Variants in LONP2 observed in about 807,000 individuals in gnomAD.
The protein encoded by LONP2 is lon protease homolog 2, peroxisomal.
In LONP2, 60 loss-of-function variants were observed where a neutral mutation model predicts 85.6. That is an observed-to-expected ratio of 0.70 (90% CI 0.57 to 0.87). The LOEUF is 0.87. Among genes scored for constraint, LONP2 ranks in the 40% least tolerant of loss-of-function variants. The pLI, the probability that LONP2 is intolerant of heterozygous loss-of-function variation, is 0.00. For synonymous variants in LONP2, 395 were observed against 389.7 expected (o/e 1.01, Z -0.16); for missense variants, 860 against 1,063.5 (o/e 0.81, Z 2.66).
intron 6 of LONP2, among the ~76,000 whole-genome samples, chr16:48,266,246 C>A (rs1188589687): frequency 6.6e-6 from 1 of 152,000 alleles, no homozygotes; most frequent in Non-Finnish European, 1.5e-5. Context: ...CTCAAGTGAT[C>A]CACCTGCCTC....
chr16:48,312,104 C>A (rs112814939), intron 11 of LONP2, among the ~76,000 whole-genome samples: 1,860 of 152,030 alleles, frequency 0.012, 39 homozygotes, highest in African/African-American at 0.042. Flanking sequence ...CCATGCCTGG[C>A]TAATTTTTGT....
chr16:48,290,112 T>A (rs1211958095), intron 8 of LONP2, among the ~76,000 whole-genome samples: 1 of 152,206 alleles, frequency 6.6e-6, no homozygotes, highest in Non-Finnish European at 1.5e-5. Flanking sequence ...TACTGAGACC[T>A]CTTCTTTAGT....
At chr16:48,313,434 AAGCCC>A (rs1831979164) in intron 11 of LONP2, among the ~76,000 whole-genome samples, 1 of 152,128 alleles carries the variant, frequency 6.6e-6, no homozygotes, top group Admixed American at 6.5e-5. Flanking sequence ...CCCAGGTATT[AAGCCC>A]AGCATCCATT....
chr16:48,247,493 C>T (rs1971476646), intron 1 of LONP2: 1 of 1,488 alleles, frequency 6.7e-4, no homozygotes. Flanking sequence ...TCTGCCACTT[C>T]CTTGGTGGTT....
At chr16:48,262,684 A>G (rs747370362) in intron 5 of LONP2, 94 bp from the exon 6 acceptor site, 29 of 721,404 alleles carry the variant, frequency 4.0e-5, no homozygotes, top group Middle Eastern at 2.5e-4. Context: ...CATGCATGAT[A>G]TATCTAACCA....
downstream of LONP2, chr16:48,360,557 T>A (rs557433919): frequency 1.3e-5 from 2 of 152,802 alleles, no homozygotes; most frequent in East Asian, 3.9e-4. Flanking sequence ...GATATTCTTT[T>A]AATGAGAATT....
At chr16:48,361,540 G>T, downstream of LONP2, 1 of 1,594,772 alleles carries the variant, frequency 6.3e-7, no homozygotes, top group Non-Finnish European at 8.6e-7. Context: ...CTGTGAAACT[G>T]AAGTTTTAAA....
At chr16:48,263,710 G>T (rs1971924568) in intron 6 of LONP2, among the ~76,000 whole-genome samples, 1 of 152,186 alleles carries the variant, frequency 6.6e-6, no homozygotes, top group Non-Finnish European at 1.5e-5. Context: ...AGTTCCTTTG[G>T]CTGTTTACCC....
chr16:48,335,125 G>A (rs1247255712), intron 12 of LONP2, among the ~76,000 whole-genome samples: 1 of 152,076 alleles, frequency 6.6e-6, no homozygotes. Context: ...CCATTTTAAG[G>A]ACAATGCCTC....
chr16:48,244,418 C>A lies in LONP2; in HGVS notation c.30C>A (p.Pro10=). The change falls in exon 1 of 15, where the codon CCC becomes CCA. Residue 10 remains proline (P), a synonymous_variant. Coordinates refer to ENST00000285737, the MANE Select transcript of LONP2 (RefSeq NM_031490.5). Reference sequence around the variant, plus strand: ...CATCAGTGAGCCCCATCCAGATCCCCAGTCGCCTCCCGCTGCTGCTCACCC... The same window carrying A: ...CATCAGTGAGCCCCATCCAGATCCCAAGTCGCCTCCCGCTGCTGCTCACCC... MSSVSPIQI[P]SRLPLLLTHE... The A allele has an allele frequency of 6.3e-7, 1 of 1,582,072 alleles. No individual in the cohort carries two copies. Among genetic ancestry groups the A allele is most frequent in the South Asian group, 1.1e-5 (1 of 88,102 alleles).
chr16:48,339,622 C>G lies in LONP2; in HGVS notation c.1938+5264C>G, dbSNP rs531003001. On this transcript the variant is annotated intron_variant, in intron 12 of 14. Transcript: ENST00000285737. Reference sequence around the variant, plus strand: ...GAGAGCACAGACTGATGTTGCAGGACAGAGCAGTGGTACGATAGAAACAAA... The same window carrying G: ...GAGAGCACAGACTGATGTTGCAGGAGAGAGCAGTGGTACGATAGAAACAAA... 2.6e-5 allele frequency among the ~76,000 whole-genome samples: 4 copies of G among 152,212 alleles called. No homozygotes were observed. The South Asian group carries it at 6.2e-4, about 24-fold the overall frequency.
intron 12 of LONP2, 185 bp downstream of exon 12, chr16:48,334,543 G>T: frequency 1.4e-6 from 1 of 728,572 alleles, no homozygotes. Flanking sequence ...CTGCATGGGG[G>T]CGCAGGCGAG....
chr16:48,337,982 T>C (rs1596997853), intron 12 of LONP2, among the ~76,000 whole-genome samples: 1 of 152,118 alleles, frequency 6.6e-6, no homozygotes, highest in African/African-American at 2.4e-5. Context: ...TTCTCTGTAT[T>C]TTTTTGTAGA....
chr16:48,275,604 A>C (rs1972191315), intron 7 of LONP2, among the ~76,000 whole-genome samples: 1 of 152,168 alleles, frequency 6.6e-6, no homozygotes, highest in Non-Finnish European at 1.5e-5. Flanking sequence ...GTTGGGATTT[A>C]CGTAGCAGGA....
intron 1 of LONP2, among the ~76,000 whole-genome samples, chr16:48,246,697 C>T (rs1472418991): frequency 6.6e-6 from 1 of 152,068 alleles, no homozygotes; most frequent in Non-Finnish European, 1.5e-5. Context: ...GCCTCAGCTT[C>T]TGGAGTGGCT....
chr16:48,279,224 T>C (rs1972275318), intron 8 of LONP2, among the ~76,000 whole-genome samples: 2 of 152,172 alleles, frequency 1.3e-5, no homozygotes, highest in Non-Finnish European at 2.9e-5. Context: ...TCATTAGATA[T>C]CTGGACATTT....
chr16:48,357,624 CATT>C (rs1367826325), downstream of LONP2, among the ~76,000 whole-genome samples: 1 of 152,184 alleles, frequency 6.6e-6, no homozygotes, highest in East Asian at 1.9e-4. Context: ...GGATTTGATC[CATT>C]ATTTTCTTAA....
At chr16:48,331,098 G>T (rs1352089590) in intron 11 of LONP2, among the ~76,000 whole-genome samples, 2 of 152,214 alleles carry the variant, frequency 1.3e-5, no homozygotes, top group Non-Finnish European at 2.9e-5. Flanking sequence ...AGAGAAACTT[G>T]TAAGCTCTTT....
intron 6 of LONP2, among the ~76,000 whole-genome samples, chr16:48,264,187 A>C (rs1397698206): frequency 6.6e-6 from 1 of 152,190 alleles, no homozygotes; most frequent in Non-Finnish European, 1.5e-5. Context: ...CGGGGTTTTG[A>C]GATAACGGAT....
Sources: gnomAD v4.1 joint callset for allele counts (sites outside exome capture counted in the v4.1 genomes callset) on GRCh38, gnomAD v4.1.1 for gene constraint, MANE v1.5 for transcripts, NCBI Gene and HGNC (gene_info 2026-07-23, HGNC 2026-07-21) for gene names.